Variants in ARPP21 observed in about 807,000 individuals in gnomAD.
The protein encoded by ARPP21 is cAMP regulated phosphoprotein 21, also known as cAMP-regulated phosphoprotein 21.
In ARPP21, 69 loss-of-function variants were observed where a neutral mutation model predicts 113.2. That is an observed-to-expected ratio of 0.61 (90% CI 0.50 to 0.74). The LOEUF (loss-of-function observed/expected upper bound fraction) is 0.74. ARPP21 is among the 30% of genes least tolerant of loss of function. The probability of loss-of-function intolerance (pLI) is 0.00; values close to 1 mark genes in which losing one functional copy is unlikely to be tolerated. For synonymous variants in ARPP21, 368 were observed against 375.5 expected (o/e 0.98, Z 0.23); for missense variants, 1,070 against 1,037.4 (o/e 1.03, Z -0.43).
chr3:35,793,582 A>C (rs900625210), intron 20 of ARPP21, 119 bp from the exon 21 acceptor site: 18 of 695,728 alleles, frequency 2.6e-5, no homozygotes, highest in Non-Finnish European at 4.1e-5. Flanking sequence ...GCAGAGCTGG[A>C]ATTGATGACC....
intron 1 of ARPP21, among the ~76,000 whole-genome samples, chr3:35,667,960 G>GAA (rs1559549001): frequency 1.7e-5 from 1 of 59,002 alleles, no homozygotes; most frequent in Admixed American, 1.7e-4. Flanking sequence ...AGAAGAAGAA[G>GAA]AAGAAGAAGA....
chr3:35,777,904 C>T (rs972302487), intron 19 of ARPP21, among the ~76,000 whole-genome samples: 5 of 152,118 alleles, frequency 3.3e-5, no homozygotes, highest in Non-Finnish European at 5.9e-5. Flanking sequence ...TCCCTACAAA[C>T]GTTGCCATTT....
At chr3:35,715,177 CT>C (rs1412617772) in intron 11 of ARPP21, 10 of 344,848 alleles carry the variant, frequency 2.9e-5, no homozygotes, top group East Asian at 2.0e-4. Context: ...ATTCACATTT[CT>C]CTTCTTCTGA....
chr3:35,748,118 A>AAAGAAAGAAAGAAAG (rs2095233135), intron 19 of ARPP21, among the ~76,000 whole-genome samples: 1 of 136,342 alleles, frequency 7.3e-6, no homozygotes, highest in Admixed American at 7.5e-5. Flanking sequence ...AAGAAGAAAG[A>AAAGAAAGAAAGAAAG]AAGAAAGAAA....
At chr3:35,720,382 C>A (rs1197229268) in intron 13 of ARPP21, among the ~76,000 whole-genome samples, 3 of 152,138 alleles carry the variant, frequency 2.0e-5, no homozygotes, top group Admixed American at 6.5e-5. Context: ...TTAAAATTTT[C>A]TTTGTACTGT....
intron 19 of ARPP21, among the ~76,000 whole-genome samples, chr3:35,751,554 T>C (rs1285728208): frequency 6.6e-6 from 1 of 152,152 alleles, no homozygotes; most frequent in Admixed American, 6.6e-5. Flanking sequence ...TGGAATTTTT[T>C]GGAATGTCTT....
chr3:35,699,848 C>T (rs1323460598), intron 9 of ARPP21, among the ~76,000 whole-genome samples: 2 of 151,608 alleles, frequency 1.3e-5, no homozygotes, highest in African/African-American at 4.8e-5. Context: ...CAAAAAAACA[C>T]AACAATTATA....
At chr3:35,717,645 G>A (rs2092597276) in intron 13 of ARPP21, among the ~76,000 whole-genome samples, 1 of 152,012 alleles carries the variant, frequency 6.6e-6, no homozygotes, top group South Asian at 2.1e-4. Context: ...ATTAACTTTA[G>A]TAAATTACAC....
intron 18 of ARPP21, among the ~76,000 whole-genome samples, chr3:35,742,043 C>T (rs1513481): frequency 0.27 from 40,536 of 152,036 alleles, 5,701 homozygotes; most frequent in Non-Finnish European, 0.3. Context: ...AAATTGAGTT[C>T]AAAATTTTTT....
At chr3:35,747,119 G>A (rs1429283495) in intron 19 of ARPP21, among the ~76,000 whole-genome samples, 1 of 152,116 alleles carries the variant, frequency 6.6e-6, no homozygotes, top group African/African-American at 2.4e-5. Context: ...GGGAGGTGGA[G>A]GCAGGTGGAT....
At chr3:35,646,745 G>T (rs1022088696) in intron 1 of ARPP21, among the ~76,000 whole-genome samples, 2 of 151,766 alleles carry the variant, frequency 1.3e-5, no homozygotes, top group African/African-American at 2.4e-5. Context: ...CTGGCCTATA[G>T]GAATGATCAA....
At chr3:35,732,110 G>A (rs546475908) in intron 15 of ARPP21, among the ~76,000 whole-genome samples, 24 of 152,038 alleles carry the variant, frequency 1.6e-4, no homozygotes, top group Non-Finnish European at 1.9e-4. Context: ...CATATATTTG[G>A]AATGTCGTTC....
At chr3:35,649,240 A>G (rs1349755647) in intron 1 of ARPP21, among the ~76,000 whole-genome samples, 1 of 152,198 alleles carries the variant, frequency 6.6e-6, no homozygotes, top group Non-Finnish European at 1.5e-5. Flanking sequence ...CAGATTTGAT[A>G]TTCATTTTTT....
chr3:35,760,850 C>T (rs1470238064), intron 19 of ARPP21, among the ~76,000 whole-genome samples: 1 of 151,894 alleles, frequency 6.6e-6, no homozygotes, highest in Admixed American at 6.6e-5. Flanking sequence ...GGTGAATGGG[C>T]TTATAAAAAA....
chr3:35,664,885 C>A (rs9827063), intron 1 of ARPP21, among the ~76,000 whole-genome samples: 8,336 of 152,210 alleles, frequency 0.055, 355 homozygotes, highest in African/African-American at 0.12. Flanking sequence ...ATCTGGCATT[C>A]AGGGAGGGGC....
At chr3:35,778,978 T>C (rs1387113894) in intron 19 of ARPP21, among the ~76,000 whole-genome samples, 4 of 152,228 alleles carry the variant, frequency 2.6e-5, no homozygotes, top group African/African-American at 9.6e-5. Flanking sequence ...TAACTACTAA[T>C]ATGTATTTCT....
chr3:35,783,831 A>ACAAAAATG lies in ARPP21; in HGVS notation c.2138-8548_2138-8547insAAATGCAA, dbSNP rs2096575567. Reference sequence around the variant, plus strand: ...AACCTATTGCTATGCCTGTATATTTACAATTCTCGAATGCATTTTTTTGTA... The same window carrying ACAAAAATG: ...AACCTATTGCTATGCCTGTATATTTACAAAAATGCAATTCTCGAATGCATTTTTTTGTA... On this transcript the variant is annotated intron_variant, in intron 19 of 20. Transcript: ENST00000684406. 1.3e-5 allele frequency among the ~76,000 whole-genome samples: 2 copies of ACAAAAATG among 152,148 alleles called. 1 individual carries two copies. The highest frequency in any genetic ancestry group is 1.3e-4 in the Admixed American group (2 of 15,262).
chr3:35,694,435 A>G (rs2083189859), intron 9 of ARPP21, among the ~76,000 whole-genome samples: 1 of 151,430 alleles, frequency 6.6e-6, no homozygotes, highest in South Asian at 2.1e-4. Flanking sequence ...TTGTAATAAT[A>G]TACATTTTCA....
At chr3:35,784,332 G>C (rs1411449033) in intron 19 of ARPP21, among the ~76,000 whole-genome samples, 2 of 152,206 alleles carry the variant, frequency 1.3e-5, no homozygotes, top group Non-Finnish European at 2.9e-5. Context: ...AATCTTGCCA[G>C]CTAGTTGTTA....
Sources: allele counts gnomAD v4.1 joint callset (sites outside exome capture counted in the v4.1 genomes callset), GRCh38; gene constraint gnomAD v4.1.1; transcripts MANE v1.5; gene names NCBI Gene and HGNC (gene_info 2026-07-23, HGNC 2026-07-21).